Variants in SUGCT observed in about 807,000 individuals in gnomAD.
SUGCT encodes the protein succinyl-CoA:glutarate CoA-transferase.
In SUGCT, 41 loss-of-function variants were observed where a neutral mutation model predicts 55.0. The ratio of observed to expected loss-of-function variants is 0.74; its 90% CI spans 0.58 to 0.97. SUGCT has a LOEUF of 0.97. Ranked by LOEUF, SUGCT falls within the 50% of genes least tolerant of loss-of-function variation. The pLI is 0.00. For missense variants in SUGCT, 568 were observed against 547.8 expected, an observed-to-expected ratio of 1.04 and a Z score of -0.37; for synonymous variants, 187 against 200.4, an observed-to-expected ratio of 0.93 and a Z score of 0.56.
chr7:40,907,284 A>T, the SUGCT span, among the ~76,000 whole-genome samples: 1 of 152,112 alleles, frequency 6.6e-6, no homozygotes, highest in Non-Finnish European at 1.5e-5. Flanking sequence ...CTACTGTGTT[A>T]TGTGTCATAT....
At chr7:40,658,004 GA>G (rs1801113748) in intron 12 of SUGCT, among the ~76,000 whole-genome samples, 1 of 152,154 alleles carries the variant, frequency 6.6e-6, no homozygotes, top group African/African-American at 2.4e-5. Flanking sequence ...AAAACTCTTA[GA>G]GGGAATTGAA....
chr7:40,758,065 G>T (rs1262371565), intron 13 of SUGCT, among the ~76,000 whole-genome samples: 1 of 152,130 alleles, frequency 6.6e-6, no homozygotes, highest in Non-Finnish European at 1.5e-5. Context: ...TCAGTATCAT[G>T]GCGTTAACTT....
chr7:40,912,608 C>T, the SUGCT span, among the ~76,000 whole-genome samples: 1 of 152,084 alleles, frequency 6.6e-6, no homozygotes, highest in African/African-American at 2.4e-5. Context: ...TGTGTATTTT[C>T]CTGTCCTAGA....
intron 9 of SUGCT, among the ~76,000 whole-genome samples, chr7:40,368,065 G>A (rs978154509): frequency 2.0e-5 from 3 of 152,126 alleles, no homozygotes; most frequent in Non-Finnish European, 4.4e-5. Flanking sequence ...ACTAGGAAAA[G>A]CCTACTTATC....
the SUGCT span, among the ~76,000 whole-genome samples, chr7:40,931,966 C>A: frequency 1.3e-5 from 2 of 152,090 alleles, no homozygotes; most frequent in Non-Finnish European, 2.9e-5. Flanking sequence ...CTTCTGCTAG[C>A]TTTTGAATGT....
intron 10 of SUGCT, among the ~76,000 whole-genome samples, chr7:40,457,310 T>A (rs986970227): frequency 6.6e-6 from 1 of 151,958 alleles, no homozygotes; most frequent in African/African-American, 2.4e-5. Flanking sequence ...GGCATGATGG[T>A]GCGCATGCCT....
At chr7:40,346,566 A>T (rs1172668888) in intron 9 of SUGCT, among the ~76,000 whole-genome samples, 2 of 152,150 alleles carry the variant, frequency 1.3e-5, no homozygotes, top group Non-Finnish European at 2.9e-5. Context: ...TGTTAAAATG[A>T]CAATAACATA....
intron 6 of SUGCT, among the ~76,000 whole-genome samples, chr7:40,212,727 G>T (rs949019045): frequency 3.3e-5 from 5 of 152,080 alleles, no homozygotes; most frequent in African/African-American, 9.7e-5. Context: ...TACAGACAGG[G>T]TTTCACCATG....
intron 9 of SUGCT, among the ~76,000 whole-genome samples, chr7:40,385,461 A>G (rs373097041): frequency 3.3e-5 from 5 of 152,312 alleles, no homozygotes; most frequent in South Asian, 4.1e-4. Context: ...TAAGTGTCCA[A>G]TGAATGCTGT....
chr7:40,993,101 G>GGTCTGAGT, the SUGCT span, among the ~76,000 whole-genome samples: 1 of 152,070 alleles, frequency 6.6e-6, no homozygotes, highest in African/African-American at 2.4e-5. Context: ...TCTTGCATGA[G>GGTCTGAGT]GTCTGAGTTT....
At chr7:40,445,797 T>C (rs1346702414) in intron 9 of SUGCT, among the ~76,000 whole-genome samples, 1 of 152,162 alleles carries the variant, frequency 6.6e-6, no homozygotes, top group East Asian at 1.9e-4. Context: ...ATTAAATAAA[T>C]ACTGTAGCAG....
the SUGCT span, among the ~76,000 whole-genome samples, chr7:41,005,897 G>A: frequency 2.0e-5 from 3 of 152,052 alleles, no homozygotes; most frequent in South Asian, 2.1e-4. Flanking sequence ...CTTGACCTCC[G>A]AGCATTCCAG....
At chr7:40,841,401 AC>A (rs1459084214) in intron 13 of SUGCT, among the ~76,000 whole-genome samples, 1 of 152,118 alleles carries the variant, frequency 6.6e-6, no homozygotes, top group African/African-American at 2.4e-5. Context: ...ATTATAGATG[AC>A]GACAACTAAA....
rs370274612 is a variant in SUGCT at position 40,515,501 on chromosome 7, C to A, written c.1089+19115C>A. ...TCTTCCCTCCCCTTATCGCTGGTAA[C>A]CTAATCTACTTTCTGTTTTTATGAA... On this transcript the variant is annotated intron_variant, in intron 12 of 13. Coordinates refer to ENST00000335693, the MANE Select transcript of SUGCT (RefSeq NM_001193313.2). 3.3e-5 allele frequency among the ~76,000 whole-genome samples: 5 copies of A among 152,134 alleles called. No homozygotes were observed. The East Asian group carries it at 9.6e-4, about 29-fold the overall frequency.
chr7:40,430,646 A>G (rs931659061), intron 9 of SUGCT, among the ~76,000 whole-genome samples: 30 of 152,144 alleles, frequency 2.0e-4, no homozygotes, highest in African/African-American at 7.2e-4. Flanking sequence ...TTTCTTTGCT[A>G]TGCAGAATCT....
the SUGCT span, among the ~76,000 whole-genome samples, chr7:40,996,150 T>C: frequency 6.6e-6 from 1 of 152,230 alleles, no homozygotes; most frequent in African/African-American, 2.4e-5. Flanking sequence ...CCCTGGCTGC[T>C]CTGTTTCTCC....
At chr7:40,363,395 T>C (rs1798251139) in intron 9 of SUGCT, among the ~76,000 whole-genome samples, 1 of 152,200 alleles carries the variant, frequency 6.6e-6, no homozygotes, top group Non-Finnish European at 1.5e-5. Flanking sequence ...GTTCTTTTAA[T>C]TGTGATGTTA....
intron 9 of SUGCT, among the ~76,000 whole-genome samples, chr7:40,448,236 CCCTCCCTCCCTT>C (rs1470382844): frequency 1.4e-5 from 2 of 141,204 alleles, no homozygotes; most frequent in Non-Finnish European, 3.1e-5. Context: ...CTCCCTCCCT[CCCTCCCTCCCTT>C]CCTTCCTTCC....
chr7:40,150,925 GA>G (rs1788533071), intron 1 of SUGCT, among the ~76,000 whole-genome samples: 1 of 152,018 alleles, frequency 6.6e-6, no homozygotes, highest in Admixed American at 6.6e-5. Flanking sequence ...GGAGAGAAGA[GA>G]TGAAGAGAAA....
Sources: gnomAD v4.1 joint callset for allele counts (sites outside exome capture counted in the v4.1 genomes callset) on GRCh38, gnomAD v4.1.1 for gene constraint, MANE v1.5 for transcripts, NCBI Gene and HGNC (gene_info 2026-07-23, HGNC 2026-07-21) for gene names.